Variants in UQCRH observed in about 807,000 individuals in gnomAD.
UQCRH encodes the protein cytochrome b-c1 complex subunit 6, mitochondrial.
In UQCRH, 14 loss-of-function variants were observed where a neutral mutation model predicts 16.3. That is an observed-to-expected ratio of 0.86 (90% CI 0.57 to 1.34). UQCRH has a LOEUF of 1.34. UQCRH is among the 40% of genes most tolerant of loss of function. The pLI is 0.00. For synonymous variants in UQCRH, 41 were observed against 41.9 expected, an observed-to-expected ratio of 0.98 and a Z score of 0.08; for missense variants, 89 against 111.9, an observed-to-expected ratio of 0.80 and a Z score of 0.92.
intron 2 of UQCRH, 144 bp from the exon 3 acceptor site, chr1:46,310,011 G>A (rs1271471196): frequency 7.3e-6 from 11 of 1,503,824 alleles, no homozygotes; most frequent in African/African-American, 1.4e-5. Flanking sequence ...CATTTCTGGC[G>A]GCAGTGTGGC....
At chr1:46,306,558 G>T (rs1463731358) in intron 1 of UQCRH, among the ~76,000 whole-genome samples, 1 of 151,940 alleles carries the variant, frequency 6.6e-6, no homozygotes. Context: ...AATTTTAGTA[G>T]AGATGGGGTT....
At chr1:46,313,249 T>C (rs1224704403) in intron 3 of UQCRH, among the ~76,000 whole-genome samples, 1 of 152,184 alleles carries the variant, frequency 6.6e-6, no homozygotes, top group East Asian at 1.9e-4. Context: ...CGCAGAACTT[T>C]GCGAGGTCAA....
chr1:46,312,068 T>C (rs1047619408), intron 3 of UQCRH, among the ~76,000 whole-genome samples: 6 of 151,570 alleles, frequency 4.0e-5, no homozygotes, highest in African/African-American at 1.5e-4. Context: ...GCCAGGACTA[T>C]AGGCACATGC....
At chr1:46,307,812 A>G (rs545764035) in intron 1 of UQCRH, among the ~76,000 whole-genome samples, 5 of 152,326 alleles carry the variant, frequency 3.3e-5, no homozygotes, top group Non-Finnish European at 7.3e-5. Context: ...TGACCAAACA[A>G]GGGTTTTTAG....
chr1:46,309,054 T>C, intron 1 of UQCRH, 47 bp from the exon 2 acceptor site: 1 of 1,596,666 alleles, frequency 6.3e-7, no homozygotes, highest in Non-Finnish European at 8.6e-7. Context: ...CAGGAATAAA[T>C]ATGTCATAAA....
intron 1 of UQCRH, among the ~76,000 whole-genome samples, chr1:46,305,298 CA>C (rs11444271): frequency 0.14 from 8,797 of 64,902 alleles, 150 homozygotes; most frequent in Middle Eastern, 0.22. Context: ...GACCCTGTCT[CA>C]AAAAAAAAAA....
chr1:46,313,154 A>G (rs1661511136), intron 3 of UQCRH, among the ~76,000 whole-genome samples: 1 of 152,196 alleles, frequency 6.6e-6, no homozygotes, highest in African/African-American at 2.4e-5. Flanking sequence ...AAATGTTCAT[A>G]GAAGCATTAT....
intron 1 of UQCRH, among the ~76,000 whole-genome samples, chr1:46,308,790 A>G (rs541155401): frequency 3.9e-5 from 6 of 152,342 alleles, no homozygotes; most frequent in East Asian, 3.9e-4. Flanking sequence ...GCAGTGAGCT[A>G]TGACAGAGCA....
chr1:46,306,339 G>A (rs1661372444), intron 1 of UQCRH, among the ~76,000 whole-genome samples: 1 of 151,616 alleles, frequency 6.6e-6, no homozygotes, highest in African/African-American at 2.4e-5. Context: ...TTTCTAACTC[G>A]GGCAGAATGT....
chr1:46,315,591 C>CAA (rs35586591), intron 3 of UQCRH, among the ~76,000 whole-genome samples: 24 of 84,548 alleles, frequency 2.8e-4, no homozygotes, highest in African/African-American at 7.7e-4. Flanking sequence ...AAGACTGCCT[C>CAA]AAAAAAAAAA....
At chr1:46,310,683 G>C (rs1270941137) in intron 3 of UQCRH, among the ~76,000 whole-genome samples, 2 of 152,094 alleles carry the variant, frequency 1.3e-5, no homozygotes, top group Admixed American at 1.3e-4. Context: ...GCCCAGGCTG[G>C]TCTCAAACTC....
At chr1:46,307,871 A>T (rs563914046) in intron 1 of UQCRH, among the ~76,000 whole-genome samples, 2 of 152,216 alleles carry the variant, frequency 1.3e-5, no homozygotes, top group Non-Finnish European at 2.9e-5. Flanking sequence ...CTAGAAAAAA[A>T]TGGGTTTTCC....
intron 1 of UQCRH, among the ~76,000 whole-genome samples, chr1:46,306,498 C>T (rs1288185859): frequency 9.9e-5 from 15 of 151,446 alleles, no homozygotes; most frequent in East Asian, 1.9e-4. Context: ...CTCAGTCTCC[C>T]GAGTAGCTGG....
chr1:46,304,933 G>A (rs924820317), intron 1 of UQCRH, among the ~76,000 whole-genome samples: 1 of 152,168 alleles, frequency 6.6e-6, no homozygotes, highest in Non-Finnish European at 1.5e-5. Flanking sequence ...CTGGTCACTT[G>A]GGGGCAGCCA....
chr1:46,313,680 G>GATAC (rs901817456), intron 3 of UQCRH, among the ~76,000 whole-genome samples: 3 of 149,468 alleles, frequency 2.0e-5, no homozygotes, highest in African/African-American at 7.5e-5. Context: ...TAGATAGATA[G>GATAC]ATAGATATAG....
chr1:46,313,501 C>T (rs538061864), intron 3 of UQCRH, among the ~76,000 whole-genome samples: 17 of 152,106 alleles, frequency 1.1e-4, no homozygotes, highest in East Asian at 1.9e-4. Flanking sequence ...TGGTGGCGGG[C>T]GCCTGTAGTC....
intron 1 of UQCRH, among the ~76,000 whole-genome samples, chr1:46,306,828 C>G (rs560468687): frequency 2.6e-5 from 4 of 152,336 alleles, no homozygotes; most frequent in South Asian, 4.1e-4. Flanking sequence ...ACCCCTCACT[C>G]CCAGCTTGTA....
intron 3 of UQCRH, 45 bp downstream of exon 3, chr1:46,310,361 G>C: frequency 6.2e-7 from 1 of 1,610,470 alleles, no homozygotes; most frequent in Non-Finnish European, 8.5e-7. Context: ...GCAATGGTCA[G>C]GGAAGACTTG....
chr1:46,313,394 G>A (rs940679211), intron 3 of UQCRH, among the ~76,000 whole-genome samples: 4 of 151,712 alleles, frequency 2.6e-5, no homozygotes, highest in Admixed American at 6.6e-5. Context: ...TTTGGGAGGC[G>A]GAGGCGGGTG....
Sources: allele counts gnomAD v4.1 joint callset (sites outside exome capture counted in the v4.1 genomes callset), GRCh38; gene constraint gnomAD v4.1.1; transcripts MANE v1.5; gene names NCBI Gene and HGNC (gene_info 2026-07-23, HGNC 2026-07-21).